DRC8: variants seen among roughly 807,000 people sequenced by gnomAD.
DRC8 encodes dynein regulatory complex subunit 8.
chr1:245,123,170 A>T, the DRC8 span: 1 of 152,076 alleles, frequency 6.6e-6, no homozygotes, highest in Admixed American at 6.6e-5. This position sits in a 1 kb window ranked among gnomAD's most constrained non-coding sequence, Gnocchi z 5.0. Context: ...TCAAAACGCA[A>T]CTCCAAGTGG....
At chr1:245,016,632 A>G in the DRC8 span, among the ~76,000 whole-genome samples, 2 of 152,022 alleles carry the variant, frequency 1.3e-5, no homozygotes, top group African/African-American at 4.8e-5. Flanking sequence ...ATTTTTTTCT[A>G]TTTTGTTCCT....
At chr1:245,114,220 T>A in the DRC8 span, among the ~76,000 whole-genome samples, 1 of 151,938 alleles carries the variant, frequency 6.6e-6, no homozygotes, top group Admixed American at 6.6e-5. Flanking sequence ...ATCCCAGCAC[T>A]TTGGGAGGCC....
the DRC8 span, chr1:245,124,897 G>A: frequency 6.6e-6 from 1 of 152,244 alleles, no homozygotes; most frequent in African/African-American, 2.4e-5. Context: ...ACTCCTCAGG[G>A]AGATGGATTT....
At chr1:245,025,331 T>C in the DRC8 span, among the ~76,000 whole-genome samples, 1 of 152,228 alleles carries the variant, frequency 6.6e-6, no homozygotes, top group East Asian at 1.9e-4. Context: ...CACAAGTCCG[T>C]AGAGACAGTT....
At chr1:244,973,389 C>T in the DRC8 span, among the ~76,000 whole-genome samples, 1 of 152,164 alleles carries the variant, frequency 6.6e-6, no homozygotes, top group African/African-American at 2.4e-5. Context: ...CATTTCTGAT[C>T]TGTTAATACT....
the DRC8 span, among the ~76,000 whole-genome samples, chr1:245,103,060 C>T: frequency 6.7e-6 from 1 of 148,952 alleles, no homozygotes; most frequent in East Asian, 2.0e-4. Context: ...AGTCCTCCAC[C>T]CTGTGAGGCT....
At chr1:245,007,936 G>A in the DRC8 span, among the ~76,000 whole-genome samples, 1 of 152,140 alleles carries the variant, frequency 6.6e-6, no homozygotes, top group African/African-American at 2.4e-5. Context: ...AGGCCAACGT[G>A]GGAGGATTGC....
the DRC8 span, chr1:245,022,947 G>C: frequency 6.6e-6 from 1 of 152,090 alleles, no homozygotes; most frequent in Admixed American, 6.6e-5. Context: ...TCTGCTTTCT[G>C]TGTCTATGAG....
At chr1:245,105,262 T>C in the DRC8 span, among the ~76,000 whole-genome samples, 1 of 152,186 alleles carries the variant, frequency 6.6e-6, no homozygotes, top group South Asian at 2.1e-4. Flanking sequence ...CAGCCTGATC[T>C]AGGCTGTATG....
chr1:245,032,320 G>T, the DRC8 span, among the ~76,000 whole-genome samples: 1 of 152,268 alleles, frequency 6.6e-6, no homozygotes, highest in East Asian at 1.9e-4. Context: ...ACCAGTCCAG[G>T]AGCCAGGCTG....
At chr1:245,034,600 C>CA in the DRC8 span, among the ~76,000 whole-genome samples, 1,505 of 39,470 alleles carry the variant, frequency 0.038, 199 homozygotes, top group Non-Finnish European at 0.043. Flanking sequence ...GACTCCATCT[C>CA]AAAAAAAAAA....
At chr1:245,002,880 C>T in the DRC8 span, among the ~76,000 whole-genome samples, 3 of 152,020 alleles carry the variant, frequency 2.0e-5, no homozygotes, top group Middle Eastern at 3.4e-3. Context: ...GTTGTGTAGC[C>T]GCCACCACCA....
the DRC8 span, among the ~76,000 whole-genome samples, chr1:244,980,130 A>C: frequency 6.7e-6 from 1 of 148,814 alleles, no homozygotes; most frequent in South Asian, 2.2e-4. Flanking sequence ...GAGGCAGGAC[A>C]ATGGCGTGGA....
the DRC8 span, among the ~76,000 whole-genome samples, chr1:245,011,917 T>C: frequency 6.6e-6 from 1 of 152,160 alleles, no homozygotes; most frequent in Admixed American, 6.5e-5. Flanking sequence ...CACTGAAGCC[T>C]TTTATTGAGA....
the DRC8 span, chr1:245,015,712 A>G: frequency 4.7e-5 from 10 of 211,638 alleles, no homozygotes; most frequent in East Asian, 1.5e-3. Flanking sequence ...TCTGTCTCAA[A>G]AAAAAAAAAA....
the DRC8 span, among the ~76,000 whole-genome samples, chr1:245,027,391 T>C: frequency 1.3e-5 from 2 of 151,982 alleles, no homozygotes; most frequent in Non-Finnish European, 2.9e-5. Context: ...GAAGAAAAAA[T>C]CTAGGATATA....
chr1:245,017,120 T>C, the DRC8 span: 2 of 898,080 alleles, frequency 2.2e-6, no homozygotes, highest in Non-Finnish European at 3.3e-6. Context: ...AAATGATACA[T>C]AAATATAAGG....
At chr1:244,974,969 C>T in the DRC8 span, among the ~76,000 whole-genome samples, 2 of 151,460 alleles carry the variant, frequency 1.3e-5, no homozygotes, top group South Asian at 2.1e-4. Flanking sequence ...CTCGCTCTGT[C>T]GCCCAGGCTG....
the DRC8 span, among the ~76,000 whole-genome samples, chr1:245,097,913 G>A: frequency 5.9e-5 from 9 of 152,160 alleles, no homozygotes; most frequent in Non-Finnish European, 1.2e-4. This position sits in a 1 kb window ranked among gnomAD's most constrained non-coding sequence, Gnocchi z 5.0. Context: ...AGATGAGGAC[G>A]GAGAGGTGGG....
Sources: gnomAD v4.1 joint callset for allele counts (sites outside exome capture counted in the v4.1 genomes callset) on GRCh38, gnomAD v4.1.1 for gene constraint, Gnocchi (gnomAD v3.1) non-coding constraint, MANE v1.5 for transcripts, NCBI Gene and HGNC (gene_info 2026-07-23, HGNC 2026-07-21) for gene names.